SLC30A7: variants seen among roughly 807,000 people sequenced by gnomAD.
SLC30A7 encodes zinc transporter 7.
Under a neutral mutation model 46.0 loss-of-function variants are expected in SLC30A7, and 35 were observed. The ratio of observed to expected loss-of-function variants is 0.76; its 90% CI spans 0.58 to 1.01. SLC30A7 has a LOEUF of 1.01. Ranked by LOEUF, SLC30A7 falls within the 50% of genes least tolerant of loss-of-function variation. SLC30A7 has a pLI of 0.00. For synonymous variants in SLC30A7, 147 were observed against 157.8 expected (o/e 0.93, Z 0.51); for missense variants, 464 against 451.1 (o/e 1.03, Z -0.26).
At chr1:100,912,448 A>T (rs905589017) in intron 5 of SLC30A7, among the ~76,000 whole-genome samples, 1 of 152,202 alleles carries the variant, frequency 6.6e-6, no homozygotes, top group East Asian at 1.9e-4. Context: ...ACCAGACCTC[A>T]GTAGCTTATC....
intron 5 of SLC30A7, among the ~76,000 whole-genome samples, chr1:100,912,719 A>C (rs1328080424): frequency 6.6e-6 from 1 of 151,978 alleles, no homozygotes; most frequent in Admixed American, 6.6e-5. Context: ...CATCTCAAAA[A>C]AAAAACAAAA....
chr1:100,993,789 T>A, the SLC30A7 span, among the ~76,000 whole-genome samples: 1 of 151,674 alleles, frequency 6.6e-6, no homozygotes, highest in African/African-American at 2.4e-5. Flanking sequence ...TTGCCCAGGC[T>A]GCAGTACAGT....
At chr1:100,971,930 T>A (rs1240554662) in intron 10 of SLC30A7, among the ~76,000 whole-genome samples, 1 of 152,168 alleles carries the variant, frequency 6.6e-6, no homozygotes, top group Non-Finnish European at 1.5e-5. Context: ...GAAGATATTC[T>A]AAGCCTATAG....
In SLC30A7 at chr1:100,907,266, A is replaced by AT. The variant is rs201001254; in HGVS notation, c.296+310dup. On this transcript the variant is annotated intron_variant, in intron 3 of 10. Transcript: ENST00000357650. ...GAAAGTTTTAGTATATGAAAATAGG[A>AT]TTTTTTTTTGCTTTTGCTTTTTTCT... is the stretch of plus-strand genomic sequence containing the variant. Among the ~76,000 whole-genome samples the AT allele has an allele frequency of 5.1e-4, 77 of 151,028 alleles. No homozygotes were observed. In the East Asian group the frequency reaches 0.011, roughly 22 times the overall value.
At chr1:100,958,073 A>G (rs1007508332) in intron 8 of SLC30A7, among the ~76,000 whole-genome samples, 30 of 152,046 alleles carry the variant, frequency 2.0e-4, no homozygotes, top group African/African-American at 7.2e-4. Flanking sequence ...CCTTAAGTCC[A>G]TTTGCAGTTG....
chr1:100,907,757 C>T (rs1319147538), intron 3 of SLC30A7, among the ~76,000 whole-genome samples: 1 of 151,566 alleles, frequency 6.6e-6, no homozygotes, highest in Non-Finnish European at 1.5e-5. Context: ...TCTCTTCCTT[C>T]TTCATCTGTC....
chr1:100,986,784 A>G, the SLC30A7 span, among the ~76,000 whole-genome samples: 1 of 152,218 alleles, frequency 6.6e-6, no homozygotes, highest in Non-Finnish European at 1.5e-5. Flanking sequence ...TAGAGGGATG[A>G]ATATAAAGGG....
intron 9 of SLC30A7, among the ~76,000 whole-genome samples, chr1:100,965,514 C>T (rs1655811261): frequency 6.6e-6 from 1 of 152,080 alleles, no homozygotes; most frequent in Non-Finnish European, 1.5e-5. Flanking sequence ...TGTAAATTTC[C>T]CTGTGGGGCA....
intron 8 of SLC30A7, among the ~76,000 whole-genome samples, chr1:100,948,917 T>C (rs567173900): frequency 6.6e-6 from 1 of 152,344 alleles, no homozygotes; most frequent in East Asian, 1.9e-4. Context: ...CTACACTGTT[T>C]AGTTAGTCAT....
chr1:100,900,905 T>A (rs1259565856), intron 2 of SLC30A7, among the ~76,000 whole-genome samples: 1 of 152,212 alleles, frequency 6.6e-6, no homozygotes, highest in Non-Finnish European at 1.5e-5. Flanking sequence ...CAATTTTTTA[T>A]CACTGGGTAT....
At chr1:100,966,048 T>C in intron 10 of SLC30A7, 130 bp downstream of exon 10, 1 of 734,456 alleles carries the variant, frequency 1.4e-6, no homozygotes, top group South Asian at 1.9e-5. Flanking sequence ...GTGGGCAACA[T>C]AGTGAGACCC....
rs1251485282 is a variant in SLC30A7, at chr1:100,978,830, T to G, written c.*3973T>G. ...GCAATTAATTTTAACTTTTTTACTCTTATAAAACCAGTTCCTGACATTTTA... is the reference window on the plus strand; with the variant it reads ...GCAATTAATTTTAACTTTTTTACTCGTATAAAACCAGTTCCTGACATTTTA... On this transcript the variant is annotated 3_prime_UTR_variant, in exon 11 of 11. Coordinates refer to ENST00000357650, the MANE Select transcript of SLC30A7 (RefSeq NM_133496.5). 6.6e-6 allele frequency: 1 copy of G among 152,236 alleles called. No homozygotes were observed. The highest frequency in any genetic ancestry group is 1.5e-5 in the Non-Finnish European group (1 of 68,030). 9.4% of individuals were successfully genotyped at this position (152,236 alleles called of 1,614,324 possible).
At chr1:100,941,279 CT>C (rs776053463) in intron 8 of SLC30A7, 18 of 379,292 alleles carry the variant, frequency 4.7e-5, no homozygotes, top group Non-Finnish European at 7.7e-5. Flanking sequence ...ACCACCAGAG[CT>C]ACCACCAAAG....
chr1:100,995,027 A>G, the SLC30A7 span: 15 of 964,452 alleles, frequency 1.6e-5, no homozygotes, highest in Admixed American at 3.0e-4. Context: ...AACCATCTTT[A>G]GAACTCAGGT....
intron 2 of SLC30A7, among the ~76,000 whole-genome samples, chr1:100,902,375 A>C (rs979342609): frequency 6.6e-6 from 1 of 152,212 alleles, no homozygotes; most frequent in Non-Finnish European, 1.5e-5. Context: ...CCTGACTGCT[A>C]TTCTGTGCAA....
chr1:100,910,952 G>T, intron 3 of SLC30A7, 111 bp from the exon 4 acceptor site: 1 of 772,438 alleles, frequency 1.3e-6, no homozygotes, highest in Non-Finnish European at 2.1e-6. Flanking sequence ...GGCTTCGCTG[G>T]CCACTTATAA....
intron 8 of SLC30A7, among the ~76,000 whole-genome samples, chr1:100,958,922 T>C (rs1391694810): frequency 3.3e-5 from 5 of 152,158 alleles, no homozygotes; most frequent in Non-Finnish European, 7.3e-5. Context: ...AGACACTTCA[T>C]ACAGTGTAGA....
chr1:100,947,353 G>T (rs1654698825), intron 8 of SLC30A7, among the ~76,000 whole-genome samples: 1 of 152,192 alleles, frequency 6.6e-6, no homozygotes, highest in African/African-American at 2.4e-5. Context: ...CAGTTTCCAT[G>T]TACTTGTGTG....
downstream of SLC30A7, among the ~76,000 whole-genome samples, chr1:100,982,140 ATTCTTTTT>A (rs1322483994): frequency 6.6e-6 from 1 of 152,300 alleles, no homozygotes; most frequent in South Asian, 2.1e-4. Flanking sequence ...ATTAGATGCA[ATTCTTTTT>A]TAAAATAACT....
Sources: gnomAD v4.1 joint callset for allele counts (sites outside exome capture counted in the v4.1 genomes callset) on GRCh38, gnomAD v4.1.1 for gene constraint, MANE v1.5 for transcripts, NCBI Gene and HGNC (gene_info 2026-07-23, HGNC 2026-07-21) for gene names.